Variants in USP37 observed in about 807,000 individuals in gnomAD.
The protein encoded by USP37 is ubiquitin carboxyl-terminal hydrolase 37.
Under a neutral mutation model 124.0 loss-of-function variants are expected in USP37, and 27 were observed. The ratio of observed to expected loss-of-function variants is 0.22; its 90% CI spans 0.16 to 0.30. The LOEUF (loss-of-function observed/expected upper bound fraction) is 0.30. Among genes scored for constraint, USP37 ranks in the 10% least tolerant of loss-of-function variants. The pLI is 1.00. For missense variants in USP37, 889 were observed against 1,140.4 expected, an observed-to-expected ratio of 0.78 and a Z score of 3.17; for synonymous variants, 365 against 388.0, an observed-to-expected ratio of 0.94 and a Z score of 0.70.
chr2:218,528,699 C>T, intron 10 of USP37: 1 of 415,368 alleles, frequency 2.4e-6, no homozygotes, highest in Non-Finnish European at 4.3e-6. Flanking sequence ...ATTACCCTCA[C>T]TTTTTACATT....
At chr2:218,491,251 C>T (rs946389994) in intron 14 of USP37, among the ~76,000 whole-genome samples, 1 of 152,144 alleles carries the variant, frequency 6.6e-6, no homozygotes. Context: ...TTCCTACTAG[C>T]CTGGAAAAAA....
At position 218,547,032 on chromosome 2, in the gene USP37, A is replaced by G. The variant is rs979644801; in HGVS notation, c.489T>C (p.Leu163=). 1 of 1,611,884 alleles carries G rather than the reference A, an allele frequency of 6.2e-7. No homozygotes were observed. Among genetic ancestry groups the G allele is most frequent in the Non-Finnish European group, 8.5e-7 (1 of 1,179,542 alleles). ...TAATCGATCCTCTACCCGGATTACC[A>G]AGAACTTTTCGAAATGGAATATCAT... The part of the protein sequence containing the change: ...TKDDIPFRKV[L]GNPGRGSIKT... The change falls in exon 7 of 26, where the codon CTT becomes CTC. Residue 163 remains leucine, a synonymous_variant. Coordinates refer to ENST00000258399, the MANE Select transcript of USP37 (RefSeq NM_020935.3).
Position 218,546,249 on chromosome 2 carries a change from C to G in USP37, c.652G>C (p.Asp218His). ...MISTGSELNEDYPKENDSSSN... is the reference protein window; with the variant it reads ...MISTGSELNEHYPKENDSSSN... ...GATGAATCATTTTCCTTAGGGTAAT[C>G]TTCATTCAATTCTGAGCCAGTTGAT... is the stretch of plus-strand genomic sequence containing the variant. The change falls in exon 8 of 26, where the codon GAT (aspartate) becomes CAT (histidine). Residue 218 changes from aspartate to histidine, a missense_variant. By Grantham distance (81) the Asp-to-His change is moderately conservative. Transcript: ENST00000258399. 2 of 1,613,150 alleles carry G rather than the reference C, an allele frequency of 1.2e-6. No individual in the cohort carries two copies. The highest frequency in any genetic ancestry group is 8.5e-7 in the Non-Finnish European group (1 of 1,179,710).
At chr2:218,561,655 A>G (rs1181578282) in intron 2 of USP37, among the ~76,000 whole-genome samples, 1 of 149,440 alleles carries the variant, frequency 6.7e-6, no homozygotes, top group Non-Finnish European at 1.5e-5. Context: ...TGTCTCAGAA[A>G]AAAAAAAAAA....
chr2:218,477,186 A>G (rs1691026321), intron 18 of USP37, among the ~76,000 whole-genome samples: 1 of 152,242 alleles, frequency 6.6e-6, no homozygotes, highest in South Asian at 2.1e-4. Context: ...CTCTTATGCT[A>G]CTACGTATCA....
At chr2:218,470,023 T>C (rs1225190881) in intron 20 of USP37, among the ~76,000 whole-genome samples, 4 of 151,980 alleles carry the variant, frequency 2.6e-5, no homozygotes, top group Non-Finnish European at 5.9e-5. Context: ...GGTTTCACCA[T>C]GTTAGCCAGG....
intron 9 of USP37, among the ~76,000 whole-genome samples, chr2:218,530,919 A>C (rs1260661639): frequency 6.6e-6 from 1 of 152,194 alleles, no homozygotes; most frequent in Non-Finnish European, 1.5e-5. Context: ...CAATTCTATA[A>C]AGGCTGAGAG....
At chr2:218,544,635 G>A (rs1349903338) in intron 8 of USP37, among the ~76,000 whole-genome samples, 1 of 151,892 alleles carries the variant, frequency 6.6e-6, no homozygotes, top group Non-Finnish European at 1.5e-5. Flanking sequence ...CAAAGCCAGG[G>A]GTCACATGGA....
chr2:218,547,415 T>TTGTTGC lies in USP37; in HGVS notation c.430-325_430-324insGCAACA, dbSNP rs1355106613. 2.0e-5 allele frequency among the ~76,000 whole-genome samples: 3 copies of TTGTTGC among 151,756 alleles called. No homozygotes were observed. In the East Asian group the frequency reaches 5.8e-4, roughly 29 times the overall value. ...CGGTAAGGCTCATTCATCAGTTTTGTTGTTGTTGTTGTTTGTTGTTGTTTT... is the reference window on the plus strand; with the variant it reads ...CGGTAAGGCTCATTCATCAGTTTTGTTGTTGCTGTTGTTGTTGTTTGTTGTTGTTTT... On this transcript the variant is annotated intron_variant, in intron 6 of 25. Coordinates refer to ENST00000258399, the MANE Select transcript of USP37 (RefSeq NM_020935.3).
At chr2:218,529,676 C>T (rs1376351906) in intron 10 of USP37, among the ~76,000 whole-genome samples, 2 of 151,874 alleles carry the variant, frequency 1.3e-5, no homozygotes, top group African/African-American at 4.8e-5. Context: ...AGCTGGAGTA[C>T]AGTGGCATAA....
At chr2:218,539,805 T>C (rs1231787079) in intron 8 of USP37, among the ~76,000 whole-genome samples, 1 of 151,516 alleles carries the variant, frequency 6.6e-6, no homozygotes, top group African/African-American at 2.4e-5. Context: ...ATGTCAGGAG[T>C]TCGAGACCAG....
intron 11 of USP37, among the ~76,000 whole-genome samples, chr2:218,499,627 G>A (rs1275314010): frequency 2.0e-5 from 3 of 152,102 alleles, no homozygotes; most frequent in Non-Finnish European, 4.4e-5. Flanking sequence ...GTTCTTTATA[G>A]CTTTTCTTCC....
intron 11 of USP37, among the ~76,000 whole-genome samples, chr2:218,499,183 A>G (rs1689231019): frequency 1.3e-5 from 2 of 152,226 alleles, no homozygotes; most frequent in African/African-American, 4.8e-5. Context: ...CTGAAGCAAG[A>G]GAATTGCTTG....
At chr2:218,538,014 A>G (rs529942638) in intron 8 of USP37, among the ~76,000 whole-genome samples, 45 of 152,312 alleles carry the variant, frequency 3.0e-4, no homozygotes, top group South Asian at 1.2e-3. Flanking sequence ...TACAACAGCA[A>G]TTCATCATAA....
At chr2:218,511,359 T>A (rs143686613) in intron 10 of USP37, among the ~76,000 whole-genome samples, 1 of 151,960 alleles carries the variant, frequency 6.6e-6, no homozygotes, top group Non-Finnish European at 1.5e-5. Flanking sequence ...CCCAAGCTGG[T>A]GTGCAATGGC....
chr2:218,544,907 C>G (rs963722980), intron 8 of USP37, among the ~76,000 whole-genome samples: 1 of 152,088 alleles, frequency 6.6e-6, no homozygotes, highest in Non-Finnish European at 1.5e-5. Context: ...AATTAACATG[C>G]CTTTTAGTTT....
intron 15 of USP37, among the ~76,000 whole-genome samples, chr2:218,488,002 G>T (rs960585286): frequency 6.6e-6 from 1 of 150,600 alleles, no homozygotes; most frequent in African/African-American, 2.4e-5. Context: ...TGGCCAACAT[G>T]ATGAAACCAC....
At chr2:218,543,501 CAAAAAAAAAAAAAAAAAA>C (rs35321679) in intron 8 of USP37, among the ~76,000 whole-genome samples, 2 of 36,932 alleles carry the variant, frequency 5.4e-5, no homozygotes, top group Non-Finnish European at 8.8e-5. Context: ...GACTCCGTCT[CAAAAAAAAAAAAAAAAAA>C]AAAAAAAAAC....
At chr2:218,553,307 T>C (rs1441140972) in intron 5 of USP37, among the ~76,000 whole-genome samples, 2 of 152,236 alleles carry the variant, frequency 1.3e-5, no homozygotes. Context: ...TTGGATTTTG[T>C]CAATGTTTTC....
Sources: gnomAD v4.1 joint callset for allele counts (sites outside exome capture counted in the v4.1 genomes callset) on GRCh38, gnomAD v4.1.1 for gene constraint, MANE v1.5 for transcripts, NCBI Gene and HGNC (gene_info 2026-07-23, HGNC 2026-07-21) for gene names.